Variants in MST1R observed in about 807,000 individuals in gnomAD.
MST1R encodes macrophage stimulating 1 receptor.
In MST1R, 99 loss-of-function variants were observed where a neutral mutation model predicts 117.8. The observed-to-expected ratio is 0.84, with a 90% CI of 0.71 to 0.99. The LOEUF (loss-of-function observed/expected upper bound fraction) is 0.99, where lower values mean the gene tolerates loss of function less well. Among genes scored for constraint, MST1R ranks in the 50% least tolerant of loss-of-function variants. The pLI is 0.00. For synonymous variants in MST1R, 734 were observed against 765.3 expected (o/e 0.96, Z 0.68); for missense variants, 1,683 against 1,840.2 (o/e 0.91, Z 1.56).
chr3:49,895,567 TG>T lies in MST1R; in HGVS notation c.2963-20del. 3 of 1,613,808 alleles carry T rather than the reference TG, an allele frequency of 1.9e-6. No individual in the cohort carries two copies. Among genetic ancestry groups the T allele is most frequent in the Non-Finnish European group, 2.5e-6 (3 of 1,179,746 alleles). On this transcript the variant is annotated intron_variant, in intron 12 of 19. Transcript: ENST00000296474. ...GGAAGAACTGTGGAAAGAGAATCCT[TG>T]GTGGCTTGGCTTTCCAAGCTCCTAG...
chr3:49,897,741 A>G lies in MST1R; in HGVS notation c.1881-56T>C, dbSNP rs2082530817. ...CCAGGAATTACACAGGCCTAGATGC[A>G]TGCCTGCCACAAGCCACAGGGCTCC... is the stretch of plus-strand genomic sequence containing the variant. On this transcript the variant is annotated intron_variant, in intron 5 of 19. Coordinates refer to ENST00000296474, the MANE Select transcript of MST1R (RefSeq NM_002447.4). 2.0e-6 allele frequency: 3 copies of G among 1,523,944 alleles called. No homozygotes were observed. In the African/African-American group the frequency reaches 4.2e-5, roughly 21 times the overall value. 94.4% of individuals were successfully genotyped at this position (1,523,944 alleles called of 1,614,324 possible). A position where few individuals can be genotyped will look rare whatever the true frequency, so the allele number is the denominator to read the frequency against.
chr3:49,895,838 G>C lies in MST1R; in HGVS notation c.2839C>G (p.Arg947Gly). 2 of 1,613,110 alleles carry C rather than the reference G, an allele frequency of 1.2e-6. No homozygotes were observed. Among genetic ancestry groups the C allele is most frequent in the Non-Finnish European group, 1.7e-6 (2 of 1,179,526 alleles). Reference protein sequence around the residue: ...GECHILGRVVRPGPDGVPQST... With the variant: ...GECHILGRVVGPGPDGVPQST... ...TGTGGGACCCCATCTGGCCCTGGCC[G>C]CACCACTCTACCCAGGATATGACAT... Residue 947 changes from arginine (R) to glycine (G), a missense_variant, in exon 12 of 20, where the codon CGG becomes GGG. Arg to Gly is a moderately radical substitution (Grantham distance 125). Transcript: ENST00000296474.
chr3:49,897,078 C>T (rs1417064792), intron 7 of MST1R, among the ~76,000 whole-genome samples, 188 bp from the exon 8 acceptor site: 2 of 152,252 alleles, frequency 1.3e-5, no homozygotes, highest in African/African-American at 4.8e-5. Context: ...ACAGGTTCCC[C>T]ACAGCCTTGG....
In MST1R at chr3:49,895,331, T is replaced by C. The variant is rs1392686575; in HGVS notation, c.3107A>G (p.His1036Arg). 2.5e-6 allele frequency: 4 copies of C among 1,614,232 alleles called. No individual in the cohort carries two copies. Among genetic ancestry groups the C allele is most frequent in the Admixed American group, 3.3e-5 (2 of 60,028 alleles). The change falls in exon 14 of 20, where the codon CAT becomes CGT. Residue 1036 changes from histidine to arginine, a missense_variant. Coordinates refer to ENST00000296474, the MANE Select transcript of MST1R (RefSeq NM_002447.4). ...IDGLDSTTCV[H>R]GASFSDSEDE... is the part of the protein sequence containing the mutation. ...TTCACTATCGGAGAAGGATGCTCCA[T>C]GGACACAAGTGGTGGAATCCAGACC...
Position 49,887,346 on chromosome 3 carries a change from G to T in MST1R, c.4164C>A (p.Arg1388=). The T allele has an allele frequency of 6.2e-7, 1 of 1,614,236 alleles. No homozygotes were observed. Among genetic ancestry groups the T allele is most frequent in the Non-Finnish European group, 8.5e-7 (1 of 1,180,042 alleles). Residue 1388 remains arginine (R), a synonymous_variant, in exon 20 of 20, where the codon CGC becomes CGA. Transcript: ENST00000296474. The part of the protein sequence containing the change: ...PQFSPMPGNV[R]RPRPLSEPPR... The stretch of plus-strand genomic sequence containing the variant: ...GAGGCTCTGAGAGTGGCCGGGGCCG[G>T]CGTACATTCCCTGGCATGGGTGAGA...
Position 49,891,514 on chromosome 3 carries a change from T to G in MST1R, c.3419A>C (p.His1140Pro), listed in dbSNP as rs2082315433. 1 of 1,613,970 alleles carries G rather than the reference T, an allele frequency of 6.2e-7. No homozygotes were observed. The highest frequency in any genetic ancestry group is 8.5e-7 in the Non-Finnish European group (1 of 1,180,030). ...ACCAATGAGAGCCAGCACATTCGGG[T>G]GGTTCAGGCCACGCATGAGCAGCCC... ...REGLLMRGLN[H>P]PNVLALIGIM... Residue 1140 changes from histidine to proline, a missense_variant, in exon 16 of 20, where the codon CAC becomes CCC. Physicochemically the swap from His to Pro is moderately conservative, Grantham distance 77. Transcript: ENST00000296474.
At position 49,898,053 on chromosome 3, in the gene MST1R, G is replaced by T; in HGVS notation, c.1878C>A (p.Leu626=). Residue 626 remains leucine, a splice_region_variant and synonymous_variant, in exon 5 of 20, where the codon CTC becomes CTA. Coordinates refer to ENST00000296474, the MANE Select transcript of MST1R (RefSeq NM_002447.4). Reference sequence around the variant, plus strand: ...GGAGGGGAGGGACCAGATTGTACCTGAGTTTTGAGCTGTCCTTGGGCAGTG... The same window carrying T: ...GGAGGGGAGGGACCAGATTGTACCTTAGTTTTGAGCTGTCCTTGGGCAGTG... ...CRPLPKDSSK[L]RPVPRKDFVE... 6.2e-7 allele frequency: 1 copy of T among 1,614,144 alleles called. No homozygotes were observed. Among genetic ancestry groups the T allele is most frequent in the South Asian group, 1.1e-5 (1 of 91,076 alleles).
In MST1R at chr3:49,903,341, C is replaced by T; in HGVS notation, c.269G>A (p.Ser90Asn). The T allele has an allele frequency of 6.2e-7, 1 of 1,613,674 alleles. No individual in the cohort carries two copies. Among genetic ancestry groups the T allele is most frequent in the East Asian group, 2.2e-5 (1 of 44,882 alleles). ...GTCTCCAGCAGGGCCCGTGGCCAGG[C>T]TCTGGACAGACTTCAGGTCAGGCCC... ...VLGPDLKSVQ[S>N]LATGPAGDPG... Residue 90 changes from serine (S) to asparagine (N), a missense_variant, in exon 1 of 20, where the codon AGC becomes AAC. Coordinates refer to ENST00000296474, the MANE Select transcript of MST1R (RefSeq NM_002447.4).
intron 1 of MST1R, among the ~76,000 whole-genome samples, chr3:49,901,049 G>A (rs941263388): frequency 7.2e-5 from 11 of 152,316 alleles, no homozygotes; most frequent in Non-Finnish European, 1.0e-4. Context: ...CTGCCCAGCC[G>A]TGCTGGGTGT....
intron 1 of MST1R, 43 bp downstream of exon 1, chr3:49,902,337 T>C (rs1245507455): frequency 2.5e-6 from 4 of 1,585,658 alleles, no homozygotes; most frequent in African/African-American, 1.3e-5. Flanking sequence ...TGTTCAGCCA[T>C]GTGCATGCAG....
chr3:49,896,081 G>C lies in MST1R; in HGVS notation c.2676C>G (p.Asp892Glu). 1 of 1,611,940 alleles carries C rather than the reference G, an allele frequency of 6.2e-7. No homozygotes were observed. Among genetic ancestry groups the C allele is most frequent in the Non-Finnish European group, 8.5e-7 (1 of 1,178,592 alleles). Reference sequence around the variant, plus strand: ...CCACGGTCACGTTGATACCCACACAGTCAGCCACAGCGCCCAGCCCAATAT... The same window carrying C: ...CCACGGTCACGTTGATACCCACACACTCAGCCACAGCGCCCAGCCCAATAT... ...FEYIGLGAVA[D>E]CVGINVTVGG... Residue 892 changes from aspartate to glutamate, a missense_variant, in exon 11 of 20, where the codon GAC becomes GAG. Physicochemically the swap from Asp to Glu is conservative, Grantham distance 45. Coordinates refer to ENST00000296474, the MANE Select transcript of MST1R (RefSeq NM_002447.4).
Position 49,891,490 on chromosome 3 carries a change from C to G in MST1R, c.3443G>C (p.Gly1148Ala), listed in dbSNP as rs746154011. ...CAGGCCCTCAGGTGGCAACATGATA[C>G]CAATGAGAGCCAGCACATTCGGGTG... ...LNHPNVLALI[G>A]IMLPPEGLPH... Residue 1148 changes from glycine to alanine, a missense_variant, in exon 16 of 20, where the codon GGT becomes GCT. By Grantham distance (60) the Gly-to-Ala change is moderately conservative (BLOSUM62 0). Coordinates refer to ENST00000296474, the MANE Select transcript of MST1R (RefSeq NM_002447.4). 6.2e-7 allele frequency: 1 copy of G among 1,614,030 alleles called. No homozygotes were observed. Among genetic ancestry groups the G allele is most frequent in the East Asian group, 2.2e-5 (1 of 44,894 alleles).
rs1024142006 is a variant in MST1R at position 49,887,142 on chromosome 3, C to T, written c.*165G>A. The T allele has an allele frequency of 8.6e-6, 8 of 932,012 alleles. No individual in the cohort carries two copies. In the East Asian group the frequency reaches 1.5e-4, roughly 17 times the overall value. 57.7% of individuals were successfully genotyped at this position (932,012 alleles called of 1,614,324 possible). On this transcript the variant is annotated 3_prime_UTR_variant, in exon 20 of 20. Coordinates refer to ENST00000296474, the MANE Select transcript of MST1R (RefSeq NM_002447.4). ...CATGTTGCAGGACTGCCCTCACTGG[C>T]TCACTCTGTGGAGTGAGGGACCTAA...
intron 18 of MST1R, 108 bp from the exon 19 acceptor site, chr3:49,890,168 C>A (rs2108373924): frequency 7.4e-7 from 1 of 1,350,408 alleles, no homozygotes; most frequent in Non-Finnish European, 1.0e-6. Context: ...ATGGAAGACC[C>A]TACCCTCCAC....
At chr3:49,901,959 AG>A (rs1219764468) in intron 1 of MST1R, among the ~76,000 whole-genome samples, 1 of 6,430 alleles carries the variant, frequency 1.6e-4, no homozygotes, top group African/African-American at 6.4e-4. Context: ...GGGGGAGGGG[AG>A]GGGGGAGTGC....
At chr3:49,899,481 C>T (rs940239441) in intron 1 of MST1R, 6 of 512,378 alleles carry the variant, frequency 1.2e-5, no homozygotes, top group Non-Finnish European at 2.1e-5. Context: ...GTCCACTCCT[C>T]ATTCTCCCTG....
rs779191387 is a variant in MST1R at position 49,891,399 on chromosome 3, C to T, written c.3534G>A (p.Arg1178=). 9 of 1,613,948 alleles carry T rather than the reference C, an allele frequency of 5.6e-6. No individual in the cohort carries two copies. In the South Asian group the frequency reaches 9.9e-5, roughly 18 times the overall value. The change falls in exon 16 of 20, where the codon CGG becomes CGA. Residue 1178 remains arginine, a splice_region_variant and synonymous_variant. Transcript: ENST00000296474. ...AACCCAGAGCCAGATGAACACTGACCCGCTGAGGTGAGCGGATGAACTGGA... is the reference window on the plus strand; with the variant it reads ...AACCCAGAGCCAGATGAACACTGACTCGCTGAGGTGAGCGGATGAACTGGA... The part of the protein sequence containing the change: ...DLLQFIRSPQ[R]NPTVKDLISF...
Position 49,902,412 on chromosome 3 carries a change from A to C in MST1R, c.1198T>G (p.Phe400Val). ...GGGCAAAAACTGGGCGACTGGAAGA[A>C]GTCGAGGCCTCGCCGGAGGCCTGGA... ...VHPGLRRGLD[F>V]FQSPSFCPNP... Residue 400 changes from phenylalanine (F) to valine (V), a missense_variant, in exon 1 of 20, where the codon TTC becomes GTC. Coordinates refer to ENST00000296474, the MANE Select transcript of MST1R (RefSeq NM_002447.4). 7 of 1,614,004 alleles carry C rather than the reference A, an allele frequency of 4.3e-6. No homozygotes were observed. The highest frequency in any genetic ancestry group is 5.9e-6 in the Non-Finnish European group (7 of 1,179,960).
At position 49,899,067 on chromosome 3, in the gene MST1R, G is replaced by A; in HGVS notation, c.1419+8C>T. 6.2e-7 allele frequency: 1 copy of A among 1,614,130 alleles called. No homozygotes were observed. The highest frequency in any genetic ancestry group is 1.3e-5 in the African/African-American group (1 of 75,058). ...CAGGGCTAGGGGACTGTGGGGATGAGGACCCACCTGCAGGATACGCCCATC... is the reference window on the plus strand; with the variant it reads ...CAGGGCTAGGGGACTGTGGGGATGAAGACCCACCTGCAGGATACGCCCATC... On this transcript the variant is annotated splice_region_variant and intron_variant, in intron 2 of 19. Transcript: ENST00000296474.
Sources: gnomAD v4.1 joint callset for allele counts (sites outside exome capture counted in the v4.1 genomes callset) on GRCh38, gnomAD v4.1.1 for gene constraint, MANE v1.5 for transcripts, NCBI Gene and HGNC (gene_info 2026-07-23, HGNC 2026-07-21) for gene names.